The following GUCY1B1 variants were observed in gnomAD, a reference collection of about 807,000 sequenced individuals.
GUCY1B1 encodes the protein guanylate cyclase soluble subunit beta-1.
In GUCY1B1, 43 loss-of-function variants were observed where a neutral mutation model predicts 71.0. That is an observed-to-expected ratio of 0.61 (90% confidence interval 0.47 to 0.78). The LOEUF is 0.78. Among genes scored for constraint, GUCY1B1 ranks in the 30% least tolerant of loss-of-function variants. GUCY1B1 has a pLI of 0.00. For missense variants in GUCY1B1, 535 were observed against 754.1 expected (o/e 0.71, Z 3.40); for synonymous variants, 266 against 259.7 (o/e 1.02, Z -0.23).
Position 155,802,973 on chromosome 4 carries a change from G to A in GUCY1B1, c.1413+394G>A, listed in dbSNP as rs1740063621. ...ACAGTAAAGAAGTCATGAAGCATGAGAAGGACTCAGATTTGCGTTTAGATA... is the reference window on the plus strand; with the variant it reads ...ACAGTAAAGAAGTCATGAAGCATGAAAAGGACTCAGATTTGCGTTTAGATA... On this transcript the variant is annotated intron_variant, in intron 10 of 13. Coordinates refer to ENST00000264424, the MANE Select transcript of GUCY1B1 (RefSeq NM_000857.5). The surrounding 1 kb of genome is among the most constrained non-coding windows in gnomAD (Gnocchi z 4.3). Among the ~76,000 whole-genome samples, 1 of 152,162 alleles carries A rather than the reference G, an allele frequency of 6.6e-6. No homozygotes were observed. The highest frequency in any genetic ancestry group is 1.5e-5 in the Non-Finnish European group (1 of 68,028).
intron 3 of GUCY1B1, among the ~76,000 whole-genome samples, chr4:155,777,000 G>T (rs1348157084): frequency 6.6e-6 from 1 of 152,076 alleles, no homozygotes; most frequent in Non-Finnish European, 1.5e-5. Flanking sequence ...TGGAATACTT[G>T]CATATCCATA....
intron 8 of GUCY1B1, among the ~76,000 whole-genome samples, chr4:155,796,854 T>C (rs1739591036): frequency 6.6e-6 from 1 of 152,182 alleles, no homozygotes; most frequent in African/African-American, 2.4e-5. Flanking sequence ...AAGCAGCTAA[T>C]AGGATGGCAT....
rs1011970931 is a variant in GUCY1B1, at chr4:155,772,066, T to C, written c.78-2902T>C. 5.9e-5 allele frequency among the ~76,000 whole-genome samples: 9 copies of C among 152,186 alleles called. No homozygotes were observed. In the South Asian group the frequency reaches 6.2e-4, roughly 11 times the overall value. ...CAATTAGAAATTAGAATGCAGAAAATATATAGTAGCATTTATCAGAGGATA... is the reference window on the plus strand; with the variant it reads ...CAATTAGAAATTAGAATGCAGAAAACATATAGTAGCATTTATCAGAGGATA... On this transcript the variant is annotated intron_variant, in intron 2 of 13. Coordinates refer to ENST00000264424, the MANE Select transcript of GUCY1B1 (RefSeq NM_000857.5).
intron 9 of GUCY1B1, among the ~76,000 whole-genome samples, chr4:155,800,826 G>T (rs1460041891): frequency 6.6e-6 from 1 of 152,036 alleles, no homozygotes; most frequent in Non-Finnish European, 1.5e-5. Context: ...GTTTTTTAAT[G>T]TTTATATAAA....
chr4:155,765,808 C>T lies in GUCY1B1; in HGVS notation c.77+5948C>T, dbSNP rs771673514. 3.3e-5 allele frequency among the ~76,000 whole-genome samples: 5 copies of T among 152,256 alleles called. No individual in the cohort carries two copies. The South Asian group carries it at 1.0e-3, about 32-fold the overall frequency. The stretch of plus-strand genomic sequence containing the variant: ...AGCCATACCGAGCCTTAAATGTGTC[C>T]GTTTAACACCTGTGCTTGCTATGGT... On this transcript the variant is annotated intron_variant, in intron 2 of 13. Coordinates refer to ENST00000264424, the MANE Select transcript of GUCY1B1 (RefSeq NM_000857.5).
At chr4:155,796,629 C>G (rs1044041404) in intron 8 of GUCY1B1, 119 bp downstream of exon 8, 4 of 666,078 alleles carry the variant, frequency 6.0e-6, no homozygotes, top group Middle Eastern at 4.0e-4. Context: ...TTAGATTTTA[C>G]AGCCCTTGTT....
intron 9 of GUCY1B1, among the ~76,000 whole-genome samples, chr4:155,800,743 C>G (rs2111165141): frequency 6.6e-6 from 1 of 152,286 alleles, no homozygotes; most frequent in South Asian, 2.1e-4. Flanking sequence ...ACTACTTGGC[C>G]TTGCTTTCAT....
At chr4:155,759,739 TCAGGTA>T in intron 1 of GUCY1B1, 42 bp from the exon 2 acceptor site, 1 of 1,428,254 alleles carries the variant, frequency 7.0e-7, no homozygotes, top group South Asian at 1.2e-5. Flanking sequence ...AAGCCGCTTC[TCAGGTA>T]CAGCGGGTCC....
chr4:155,766,862 C>T (rs1475692703), intron 2 of GUCY1B1, among the ~76,000 whole-genome samples: 1 of 152,130 alleles, frequency 6.6e-6, no homozygotes, highest in African/African-American at 2.4e-5. Context: ...TCCAGCTGAG[C>T]TCTCACCATG....
chr4:155,806,226 G>A (rs984153703), intron 13 of GUCY1B1, among the ~76,000 whole-genome samples, 160 bp from the exon 14 acceptor site: 7 of 152,074 alleles, frequency 4.6e-5, no homozygotes, highest in Non-Finnish European at 8.8e-5. Flanking sequence ...CATCTTAGTC[G>A]TGCGGTCCTG....
chr4:155,769,259 A>G (rs1737544457), intron 2 of GUCY1B1, among the ~76,000 whole-genome samples: 1 of 152,166 alleles, frequency 6.6e-6, no homozygotes, highest in Admixed American at 6.5e-5. Context: ...CAAACTGCAC[A>G]TGGGATTGGC....
intron 2 of GUCY1B1, among the ~76,000 whole-genome samples, chr4:155,763,399 A>G (rs906303884): frequency 4.6e-5 from 7 of 152,194 alleles, no homozygotes; most frequent in Non-Finnish European, 8.8e-5. Flanking sequence ...GATCCAAAAC[A>G]CTGAAAAATC....
At chr4:155,764,869 T>G (rs540872438) in intron 2 of GUCY1B1, among the ~76,000 whole-genome samples, 10 of 152,348 alleles carry the variant, frequency 6.6e-5, no homozygotes, top group African/African-American at 2.4e-4. Context: ...GTGAGCAGCA[T>G]GGCAGGCACC....
intron 2 of GUCY1B1, among the ~76,000 whole-genome samples, chr4:155,760,560 C>A (rs564529879): frequency 6.6e-6 from 1 of 151,930 alleles, no homozygotes; most frequent in East Asian, 1.9e-4. Context: ...CCACACCCAC[C>A]TGAGAGTTTA....
intron 11 of GUCY1B1, 82 bp from the exon 12 acceptor site, chr4:155,804,511 C>T: frequency 9.1e-7 from 1 of 1,094,808 alleles, no homozygotes; most frequent in Admixed American, 2.0e-5. Flanking sequence ...CACCTGTATG[C>T]CAGAACTTAA....
At chr4:155,776,185 T>G (rs1251551600) in intron 3 of GUCY1B1, among the ~76,000 whole-genome samples, 1 of 152,210 alleles carries the variant, frequency 6.6e-6, no homozygotes, top group African/African-American at 2.4e-5. Flanking sequence ...GACAACTTTT[T>G]TGAGAACAAT....
Position 155,777,631 on chromosome 4 carries a change from G to T in GUCY1B1, c.286G>T (p.Glu96Ter). Residue 96 changes from glutamate (E) to a stop codon, truncating the protein, a stop_gained, in exon 4 of 14, where the codon GAA becomes TAA. Coordinates refer to ENST00000264424, the MANE Select transcript of GUCY1B1 (RefSeq NM_000857.5). LOFTEE classifies it high-confidence loss of function. ...GCGTGTCCTGGGCTCTAATGTCAGA[G>T]AATTTCTACAGGTAAGCAATTTGAG... The part of the protein sequence containing the change: ...ILRVLGSNVR[E>*]FLQNLDALHD... 1 of 1,555,746 alleles carries T rather than the reference G, an allele frequency of 6.4e-7. No individual in the cohort carries two copies. Among genetic ancestry groups the T allele is most frequent in the East Asian group, 2.2e-5 (1 of 44,586 alleles).
intron 2 of GUCY1B1, among the ~76,000 whole-genome samples, chr4:155,761,868 G>T (rs1175644728): frequency 6.6e-6 from 1 of 152,178 alleles, no homozygotes; most frequent in Non-Finnish European, 1.5e-5. Flanking sequence ...AAGTTATATT[G>T]GTCTTTTCTT....
intron 3 of GUCY1B1, 90 bp from the exon 4 acceptor site, chr4:155,777,434 A>T (rs976711331): frequency 6.7e-5 from 50 of 743,374 alleles, no homozygotes; most frequent in Non-Finnish European, 1.0e-4. Context: ...GACATTTTAC[A>T]TTACTTAATA....
Sources: gnomAD v4.1 joint callset for allele counts (sites outside exome capture counted in the v4.1 genomes callset) on GRCh38, gnomAD v4.1.1 for gene constraint, Gnocchi (gnomAD v3.1) non-coding constraint, MANE v1.5 for transcripts, NCBI Gene and HGNC (gene_info 2026-07-23, HGNC 2026-07-21) for gene names.